TSPAN9: variants seen among roughly 807,000 people sequenced by gnomAD.
TSPAN9 encodes tetraspanin 9.
In TSPAN9, 16 loss-of-function variants were observed where a neutral mutation model predicts 31.0. The observed-to-expected ratio is 0.52, with a 90% confidence interval of 0.35 to 0.78. The LOEUF is 0.78. Among genes scored for constraint, TSPAN9 ranks in the 30% least tolerant of loss-of-function variants. TSPAN9 has a pLI of 0.01. For synonymous variants in TSPAN9, 145 were observed against 121.6 expected, an observed-to-expected ratio of 1.19 and a Z score of -1.27; for missense variants, 272 against 312.5, an observed-to-expected ratio of 0.87 and a Z score of 0.98.
In TSPAN9 at chr12:3,236,567, G is replaced by A. The variant is rs116462544; in HGVS notation, c.63+35311G>A. Among the ~76,000 whole-genome samples the A allele has an allele frequency of 7.1e-3, 1,077 of 152,248 alleles. 12 individuals are homozygous for A. Among genetic ancestry groups the A allele is most frequent in the African/African-American group, 0.025 (1,033 of 41,540 alleles). On this transcript the variant is annotated intron_variant, in intron 3 of 8. Coordinates refer to ENST00000011898, the MANE Select transcript of TSPAN9 (RefSeq NM_006675.5). The stretch of plus-strand genomic sequence containing the variant: ...ATAAGATGATATGTAAAGAACGCCC[G>A]GCATGCTGTTGGCCGGATCTGAGTC...
rs60473453 is a variant in TSPAN9 at position 3,199,510 on chromosome 12, C to T, written c.-17-1667C>T. Among the ~76,000 whole-genome samples the T allele has an allele frequency of 9.8e-5, 15 of 152,352 alleles. No individual in the cohort carries two copies. In the East Asian group the frequency reaches 2.5e-3, roughly 26 times the overall value. On this transcript the variant is annotated intron_variant, in intron 2 of 8. Transcript: ENST00000011898. Reference sequence around the variant, plus strand: ...CCAAGCCCCGAGCAAAAGCTCGTTTCTCTGACCTCACGGGAGAGCACCCAG... The same window carrying T: ...CCAAGCCCCGAGCAAAAGCTCGTTTTTCTGACCTCACGGGAGAGCACCCAG...
intron 2 of TSPAN9, among the ~76,000 whole-genome samples, chr12:3,109,798 CAAA>C (rs147799673): frequency 6.5e-5 from 6 of 91,918 alleles, no homozygotes; most frequent in Admixed American, 1.2e-4. Context: ...AACTCTGTCT[CAAA>C]AAAAAAAAAA....
chr12:3,242,760 G>A (rs917904816), intron 3 of TSPAN9, among the ~76,000 whole-genome samples: 3 of 152,224 alleles, frequency 2.0e-5, no homozygotes, highest in African/African-American at 2.4e-5. Context: ...AGCCTTGGAC[G>A]CATTGCCCCC....
chr12:3,238,614 T>C (rs931760769), intron 3 of TSPAN9, among the ~76,000 whole-genome samples: 1 of 152,228 alleles, frequency 6.6e-6, no homozygotes, highest in Non-Finnish European at 1.5e-5. Flanking sequence ...TGGGTTTAGA[T>C]TCCAAAGCCA....
intron 3 of TSPAN9, among the ~76,000 whole-genome samples, chr12:3,253,559 G>A (rs1337625671): frequency 6.6e-6 from 1 of 152,234 alleles, no homozygotes. Flanking sequence ...CCAGTGCCAT[G>A]GGGTTTGCAG....
chr12:3,237,033 T>A (rs2098394130), intron 3 of TSPAN9, among the ~76,000 whole-genome samples: 1 of 152,130 alleles, frequency 6.6e-6, no homozygotes, highest in Non-Finnish European at 1.5e-5. Context: ...TGAGGATTTG[T>A]GGGAGGGGCC....
chr12:3,122,326 A>T (rs1486279605), intron 2 of TSPAN9, among the ~76,000 whole-genome samples: 2 of 151,676 alleles, frequency 1.3e-5, no homozygotes, highest in East Asian at 4.0e-4. Flanking sequence ...ATCTCAAAAA[A>T]AAAAAGGAGA....
At chr12:3,274,546 TGTCA>T (rs145344789) in intron 3 of TSPAN9, among the ~76,000 whole-genome samples, 6,394 of 152,300 alleles carry the variant, frequency 0.042, 182 homozygotes, top group Non-Finnish European at 0.063. Flanking sequence ...GCCTGTCACC[TGTCA>T]GTCGGAGGTC....
intron 2 of TSPAN9, among the ~76,000 whole-genome samples, chr12:3,181,838 C>A (rs767417934): frequency 1.3e-5 from 2 of 152,260 alleles, no homozygotes; most frequent in East Asian, 3.9e-4. Context: ...CTTCTCCTTG[C>A]TCCTTTGCTG....
chr12:3,109,752 C>T (rs1028084350), intron 2 of TSPAN9, among the ~76,000 whole-genome samples: 2 of 145,274 alleles, frequency 1.4e-5, no homozygotes, highest in African/African-American at 5.1e-5. Flanking sequence ...CAGCCGAGAT[C>T]GCACCACTGC....
At chr12:3,140,178 G>A (rs2153967670) in intron 2 of TSPAN9, among the ~76,000 whole-genome samples, 1 of 152,170 alleles carries the variant, frequency 6.6e-6, no homozygotes, top group Non-Finnish European at 1.5e-5. Flanking sequence ...ATTAAGTCCT[G>A]GAGTGGAAAG....
At chr12:3,086,560 C>A (rs1450025665) in intron 2 of TSPAN9, among the ~76,000 whole-genome samples, 2 of 152,166 alleles carry the variant, frequency 1.3e-5, no homozygotes, top group African/African-American at 4.8e-5. Flanking sequence ...TGGTAGAGAG[C>A]AGTCCAGGGG....
intron 2 of TSPAN9, among the ~76,000 whole-genome samples, chr12:3,176,111 G>C (rs1478563516): frequency 6.6e-6 from 1 of 152,222 alleles, no homozygotes; most frequent in Non-Finnish European, 1.5e-5. Flanking sequence ...TCCCTGGCTT[G>C]TTCATCCATT....
chr12:3,238,061 C>T (rs1394470019), intron 3 of TSPAN9, among the ~76,000 whole-genome samples: 2 of 152,164 alleles, frequency 1.3e-5, no homozygotes, highest in East Asian at 3.9e-4. Flanking sequence ...CTCTTCCCTC[C>T]CCAGTCATCC....
chr12:3,249,191 C>A (rs1862198900), intron 3 of TSPAN9, among the ~76,000 whole-genome samples: 1 of 152,202 alleles, frequency 6.6e-6, no homozygotes. Flanking sequence ...AATTCATGTT[C>A]CTCCATCTTG....
At chr12:3,100,342 G>A (rs955390282) in intron 2 of TSPAN9, among the ~76,000 whole-genome samples, 12 of 152,064 alleles carry the variant, frequency 7.9e-5, no homozygotes, top group African/African-American at 2.4e-4. Context: ...TCTCCTCTCT[G>A]GTATTCTGCC....
At chr12:3,251,444 G>A (rs1409594973) in intron 3 of TSPAN9, among the ~76,000 whole-genome samples, 1 of 149,198 alleles carries the variant, frequency 6.7e-6, no homozygotes, top group Non-Finnish European at 1.5e-5. Flanking sequence ...GGAGAAGGAA[G>A]TTCTTTTTTC....
chr12:3,119,905 C>T (rs1013815808), intron 2 of TSPAN9, among the ~76,000 whole-genome samples: 1 of 152,082 alleles, frequency 6.6e-6, no homozygotes, highest in African/African-American at 2.4e-5. Context: ...CCGCCAGCGC[C>T]CCGGAGTCTG....
chr12:3,107,399 G>C lies in TSPAN9; in HGVS notation c.-18+23680G>C, dbSNP rs1306832868. ...TGAGATGAGATCCCCAGCCTGTTTG[G>C]CTGCCTGATGGGTTGACTCAGGGCC... On this transcript the variant is annotated intron_variant, in intron 2 of 8. Coordinates refer to ENST00000011898, the MANE Select transcript of TSPAN9 (RefSeq NM_006675.5). The surrounding 1 kb of genome is among the most constrained non-coding windows in gnomAD (Gnocchi z 4.1). 6.6e-6 allele frequency among the ~76,000 whole-genome samples: 1 copy of C among 152,208 alleles called. No homozygotes were observed. Among genetic ancestry groups the C allele is most frequent in the Non-Finnish European group, 1.5e-5 (1 of 68,036 alleles).
Sources: allele counts gnomAD v4.1 joint callset (sites outside exome capture counted in the v4.1 genomes callset), GRCh38; gene constraint gnomAD v4.1.1; non-coding constraint Gnocchi (gnomAD v3.1); transcripts MANE v1.5; gene names NCBI Gene and HGNC (gene_info 2026-07-23, HGNC 2026-07-21).